The following PPP2R5A variants were observed in gnomAD, a reference collection of about 807,000 sequenced individuals.
PPP2R5A encodes serine/threonine-protein phosphatase 2A 56 kDa regulatory subunit alpha isoform.
Under a neutral mutation model 64.2 loss-of-function variants are expected in PPP2R5A, and 25 were observed. The observed-to-expected ratio is 0.39, with a 90% CI of 0.28 to 0.54. The LOEUF is 0.54. Among genes scored for constraint, PPP2R5A ranks in the 20% least tolerant of loss-of-function variants. The pLI is 0.67. For missense variants in PPP2R5A, 425 were observed against 576.3 expected (o/e 0.74, Z 2.69); for synonymous variants, 198 against 201.2 (o/e 0.98, Z 0.13).
chr1:212,311,341 G>A (rs948269707), intron 1 of PPP2R5A, among the ~76,000 whole-genome samples: 4 of 151,904 alleles, frequency 2.6e-5, no homozygotes, highest in African/African-American at 7.3e-5. Context: ...GGTGGCAGGC[G>A]CCTGTAGTCC....
intron 1 of PPP2R5A, among the ~76,000 whole-genome samples, chr1:212,292,752 A>G (rs1311737747): frequency 1.3e-5 from 2 of 152,056 alleles, no homozygotes; most frequent in East Asian, 1.9e-4. Flanking sequence ...TCTTGTACAG[A>G]CAAGTTCTCG....
At chr1:212,292,565 T>C (rs191823610) in intron 1 of PPP2R5A, among the ~76,000 whole-genome samples, 8 of 152,282 alleles carry the variant, frequency 5.3e-5, no homozygotes, top group African/African-American at 1.7e-4. Flanking sequence ...TTTTCTGTTT[T>C]GTTTTTTGGT....
intron 1 of PPP2R5A, among the ~76,000 whole-genome samples, chr1:212,312,886 T>C (rs1465660077): frequency 6.6e-6 from 1 of 152,202 alleles, no homozygotes; most frequent in Non-Finnish European, 1.5e-5. Flanking sequence ...TTTGATAATG[T>C]GGGATTTATG....
At chr1:212,298,864 T>C (rs1277426775) in intron 1 of PPP2R5A, among the ~76,000 whole-genome samples, 1 of 37,548 alleles carries the variant, frequency 2.7e-5, no homozygotes, top group Non-Finnish European at 4.8e-5. Flanking sequence ...ACGGGGCGGC[T>C]GGCCAGGCGG....
At chr1:212,327,714 A>C (rs1311705031) in intron 1 of PPP2R5A, among the ~76,000 whole-genome samples, 1 of 151,992 alleles carries the variant, frequency 6.6e-6, no homozygotes, top group Admixed American at 6.6e-5. Flanking sequence ...ACACCGGCCC[A>C]TTTTTTGAGT....
In PPP2R5A at chr1:212,320,658, G is replaced by A. The variant is rs1250694922; in HGVS notation, c.182-8477G>A. The stretch of plus-strand genomic sequence containing the variant: ...CTGCCTCCCTCCCCGCCTCCCTCCC[G>A]GATGGGGCGGCTGGCCGGGCGGGGG... On this transcript the variant is annotated intron_variant, in intron 1 of 12. Coordinates refer to ENST00000261461, the MANE Select transcript of PPP2R5A (RefSeq NM_006243.4). Among the ~76,000 whole-genome samples the A allele has an allele frequency of 3.5e-5, 4 of 113,798 alleles. 1 individual carries two copies. Among genetic ancestry groups the A allele is most frequent in the African/African-American group, 1.1e-4 (4 of 37,854 alleles). The allele number at this position is 113,798 out of a possible 152,430, so 74.7% of individuals were successfully genotyped here. A position where few individuals can be genotyped will look rare whatever the true frequency, so the allele number is the denominator to read the frequency against.
intron 1 of PPP2R5A, among the ~76,000 whole-genome samples, chr1:212,301,279 T>G (rs1658796357): frequency 6.6e-6 from 1 of 152,214 alleles, no homozygotes; most frequent in African/African-American, 2.4e-5. Context: ...CCCAAAGTGC[T>G]GGGATTACAG....
At chr1:212,300,552 T>G (rs956144658) in intron 1 of PPP2R5A, among the ~76,000 whole-genome samples, 3 of 152,222 alleles carry the variant, frequency 2.0e-5, no homozygotes, top group Non-Finnish European at 4.4e-5. Context: ...AGAGGAAATC[T>G]CTTTTAAATT....
At chr1:212,299,713 C>T (rs1658765341) in intron 1 of PPP2R5A, 1 of 152,126 alleles carries the variant, frequency 6.6e-6, no homozygotes, top group African/African-American at 2.4e-5. Flanking sequence ...AGTGAATGAA[C>T]CAACCTAATT....
intron 1 of PPP2R5A, among the ~76,000 whole-genome samples, chr1:212,292,430 G>A (rs931098213): frequency 1.3e-5 from 2 of 152,164 alleles, no homozygotes; most frequent in African/African-American, 4.8e-5. Flanking sequence ...TGCATAATGT[G>A]GTCATAGAGA....
chr1:212,322,103 A>G (rs1659310534), intron 1 of PPP2R5A, among the ~76,000 whole-genome samples: 2 of 151,298 alleles, frequency 1.3e-5, no homozygotes, highest in African/African-American at 4.9e-5. Flanking sequence ...CAGGAGAATC[A>G]GGCAGGGAGG....
intron 1 of PPP2R5A, among the ~76,000 whole-genome samples, chr1:212,322,046 G>C (rs1659307533): frequency 6.6e-6 from 1 of 151,598 alleles, no homozygotes; most frequent in Admixed American, 6.6e-5. Context: ...AAACCAGTCA[G>C]GCGTGGCGGC....
chr1:212,323,647 A>C (rs1659354614), intron 1 of PPP2R5A, among the ~76,000 whole-genome samples: 1 of 152,218 alleles, frequency 6.6e-6, no homozygotes, highest in South Asian at 2.1e-4. Flanking sequence ...GGGGGAGAAA[A>C]AACAAAAACA....
intron 1 of PPP2R5A, among the ~76,000 whole-genome samples, chr1:212,316,586 A>ATTTTTTTTTT (rs1659157423): frequency 2.9e-4 from 5 of 17,044 alleles, no homozygotes; most frequent in Non-Finnish European, 5.3e-4. Context: ...TTTGTGGGTG[A>ATTTTTTTTTT]CTTTTTTTTT....
chr1:212,337,943 A>C (rs955251669), intron 3 of PPP2R5A, among the ~76,000 whole-genome samples: 2 of 152,166 alleles, frequency 1.3e-5, no homozygotes, highest in Admixed American at 1.3e-4. Flanking sequence ...TTATATATTA[A>C]ATCAATTAAA....
intron 1 of PPP2R5A, chr1:212,306,885 G>GT (rs1658925303): frequency 6.6e-6 from 1 of 152,244 alleles, no homozygotes; most frequent in East Asian, 1.9e-4. Flanking sequence ...AGCCTCCCGA[G>GT]TAGCTGGGCT....
chr1:212,309,835 G>T (rs1404980822), intron 1 of PPP2R5A, among the ~76,000 whole-genome samples: 1 of 151,984 alleles, frequency 6.6e-6, no homozygotes, highest in East Asian at 1.9e-4. Context: ...AAAAAAAAAA[G>T]TTCATGCATA....
chr1:212,327,655 C>A (rs111312311), intron 1 of PPP2R5A, among the ~76,000 whole-genome samples: 5,082 of 152,112 alleles, frequency 0.033, 272 homozygotes, highest in African/African-American at 0.11. Context: ...CTCAAGTCAT[C>A]CGCCTGCCTC....
intron 1 of PPP2R5A, among the ~76,000 whole-genome samples, chr1:212,306,432 CTAA>C (rs1658902993): frequency 6.6e-6 from 1 of 152,056 alleles, no homozygotes; most frequent in African/African-American, 2.4e-5. Context: ...ATATCCCACA[CTAA>C]TATCAAACAA....
Sources: allele counts gnomAD v4.1 joint callset (sites outside exome capture counted in the v4.1 genomes callset), GRCh38; gene constraint gnomAD v4.1.1; transcripts MANE v1.5; gene names NCBI Gene and HGNC (gene_info 2026-07-23, HGNC 2026-07-21).